TADA1: variants seen among roughly 807,000 people sequenced by gnomAD.
TADA1 encodes the protein transcriptional adapter 1.
A neutral mutation model predicts 39.3 loss-of-function variants in TADA1; 23 were observed. That is an observed-to-expected ratio of 0.58 (90% CI 0.42 to 0.83). The LOEUF (loss-of-function observed/expected upper bound fraction) is 0.83, where lower values mean the gene tolerates loss of function less well. Ranked by LOEUF, TADA1 falls within the 40% of genes least tolerant of loss-of-function variation. The pLI is 0.00. For missense variants in TADA1, 352 were observed against 408.1 expected (o/e 0.86, Z 1.18); for synonymous variants, 137 against 151.8 (o/e 0.90, Z 0.72).
intron 1 of TADA1, among the ~76,000 whole-genome samples, chr1:166,873,807 C>T (rs1658707412): frequency 6.6e-6 from 1 of 152,172 alleles, no homozygotes; most frequent in South Asian, 2.1e-4. Context: ...CAACATCAGA[C>T]AGTCGGCTTT....
chr1:166,873,820 C>T (rs1658707597), intron 1 of TADA1, among the ~76,000 whole-genome samples: 1 of 152,048 alleles, frequency 6.6e-6, no homozygotes, highest in South Asian at 2.1e-4. Flanking sequence ...TCGGCTTTGG[C>T]CTTTAAAAAC....
At chr1:166,869,643 AT>A in intron 2 of TADA1, 119 bp downstream of exon 2, 1 of 1,380,052 alleles carries the variant, frequency 7.2e-7, no homozygotes. Flanking sequence ...TATCCACATT[AT>A]TAAGATAACC....
intron 6 of TADA1, 27 bp from the exon 7 acceptor site, chr1:166,858,308 C>T: frequency 6.6e-7 from 1 of 1,506,458 alleles, no homozygotes; most frequent in Non-Finnish European, 8.9e-7. Context: ...CAGAAATAGT[C>T]CCAGCACAGA....
Position 166,860,348 on chromosome 1 carries a change from AC to A in TADA1, c.541-12del. On this transcript the variant is annotated splice_polypyrimidine_tract_variant and intron_variant, in intron 5 of 7. Coordinates refer to ENST00000367874, the MANE Select transcript of TADA1 (RefSeq NM_053053.4). ...ATCTTTAAGGTGATTCTGTAAACAT[AC>A]AAAAAGAAAAATAGCATGATATCCT... is the stretch of plus-strand genomic sequence containing the variant. The A allele has an allele frequency of 6.3e-7, 1 of 1,577,366 alleles. No individual in the cohort carries two copies.
Position 166,869,515 on chromosome 1 carries a change from A to G in TADA1, c.167-5T>C, listed in dbSNP as rs768957301. 6.6e-5 allele frequency: 106 copies of G among 1,613,194 alleles called. No individual in the cohort carries two copies. Among genetic ancestry groups the G allele is most frequent in the Admixed American group, 8.3e-5 (5 of 59,982 alleles). On this transcript the variant is annotated splice_region_variant and splice_polypyrimidine_tract_variant and intron_variant, in intron 2 of 7. Coordinates refer to ENST00000367874, the MANE Select transcript of TADA1 (RefSeq NM_053053.4). ...GGAAATCATTGTGAGAATGGACTGA[A>G]AAAGGAAAGATAGTGACAATCAAAT...
chr1:166,860,349 CA>C lies in TADA1; in HGVS notation c.541-13del. ...TCTTTAAGGTGATTCTGTAAACATA[CA>C]AAAAGAAAAATAGCATGATATCCTC... On this transcript the variant is annotated splice_polypyrimidine_tract_variant and intron_variant, in intron 5 of 7. Transcript: ENST00000367874. 6.4e-7 allele frequency: 1 copy of C among 1,573,876 alleles called. No homozygotes were observed. Among genetic ancestry groups the C allele is most frequent in the Non-Finnish European group, 8.6e-7 (1 of 1,161,156 alleles).
chr1:166,870,738 G>T (rs1035461627), intron 1 of TADA1, among the ~76,000 whole-genome samples: 2 of 152,096 alleles, frequency 1.3e-5, no homozygotes, highest in Non-Finnish European at 2.9e-5. Context: ...CTGAAGTGGA[G>T]GGACTGATTG....
intron 3 of TADA1, among the ~76,000 whole-genome samples, chr1:166,864,430 C>T (rs1658484741): frequency 6.6e-6 from 1 of 152,248 alleles, no homozygotes; most frequent in Non-Finnish European, 1.5e-5. Flanking sequence ...GAAGCTGTAA[C>T]CTAGGCTAGG....
intron 4 of TADA1, 65 bp from the exon 5 acceptor site, chr1:166,862,477 C>T: frequency 7.5e-7 from 1 of 1,332,686 alleles, no homozygotes. Flanking sequence ...AAAGTAAACT[C>T]CTGTACTGAA....
rs779456212 is a variant in TADA1 at position 166,860,196 on chromosome 1, AGTT to A, written c.679_681del (p.Asn227del). 1.3e-6 allele frequency: 2 copies of A among 1,596,878 alleles called. No homozygotes were observed. Among genetic ancestry groups the A allele is most frequent in the Admixed American group, 1.8e-5 (1 of 55,214 alleles). Reference sequence around the variant, plus strand: ...AGAAACTTCATTTACCTTTCTATTAAGTTGTTGTAAGCTACTACACTATTCTTC... The same window carrying A: ...AGAAACTTCATTTACCTTTCTATTAAGTTGTAAGCTACTACACTATTCTTC... On this transcript the variant is annotated inframe_deletion, in exon 6 of 8. Transcript: ENST00000367874.
chr1:166,873,680 A>T (rs1169451200), intron 1 of TADA1, among the ~76,000 whole-genome samples: 1 of 152,210 alleles, frequency 6.6e-6, no homozygotes, highest in East Asian at 1.9e-4. Context: ...GGAAAAACAA[A>T]TTTAGAACTA....
chr1:166,874,284 G>A (rs1377191722), intron 1 of TADA1, among the ~76,000 whole-genome samples: 1 of 151,498 alleles, frequency 6.6e-6, no homozygotes, highest in Non-Finnish European at 1.5e-5. Context: ...AGGCTGCAGT[G>A]AGCGGAGATC....
At position 166,869,569 on chromosome 1, in the gene TADA1, C is replaced by T. The variant is rs1374251359; in HGVS notation, c.167-59G>A. On this transcript the variant is annotated intron_variant, in intron 2 of 7. Coordinates refer to ENST00000367874, the MANE Select transcript of TADA1 (RefSeq NM_053053.4). ...AAACATTTTCAACATAAGGAAACCA[C>T]AACTTTGGTCTAGCTTCTCAAGATT... 3.2e-6 allele frequency: 5 copies of T among 1,570,780 alleles called. No homozygotes were observed. The African/African-American group carries it at 6.8e-5, about 21-fold the overall frequency.
At chr1:166,873,926 G>C (rs1658710465) in intron 1 of TADA1, among the ~76,000 whole-genome samples, 1 of 152,058 alleles carries the variant, frequency 6.6e-6, no homozygotes, top group Non-Finnish European at 1.5e-5. Context: ...CATCTAATCA[G>C]GGTTAAAGGC....
At position 166,857,464 on chromosome 1, in the gene TADA1, A is replaced by G. The variant is rs1335985710; in HGVS notation, c.*103T>C. 3.1e-6 allele frequency: 4 copies of G among 1,301,600 alleles called. No individual in the cohort carries two copies. In the African/African-American group the frequency reaches 4.5e-5, roughly 15 times the overall value. 80.6% of individuals were successfully genotyped at this position (1,301,600 alleles called of 1,614,324 possible). Reference sequence around the variant, plus strand: ...ATGTCACATTTCCATAGGAAAGGTTATATATACACTATACACTTCAGCCTT... The same window carrying G: ...ATGTCACATTTCCATAGGAAAGGTTGTATATACACTATACACTTCAGCCTT... On this transcript the variant is annotated 3_prime_UTR_variant, in exon 8 of 8. Coordinates refer to ENST00000367874, the MANE Select transcript of TADA1 (RefSeq NM_053053.4).
intron 1 of TADA1, 73 bp downstream of exon 1, chr1:166,876,087 G>C (rs974014433): frequency 7.0e-7 from 1 of 1,436,376 alleles, no homozygotes; most frequent in Non-Finnish European, 9.4e-7. Context: ...GGCGTCTCCG[G>C]GGCGGGCTGG....
At position 166,857,522 on chromosome 1, in the gene TADA1, G is replaced by A. The variant is rs375927818; in HGVS notation, c.*45C>T. 2.9e-4 allele frequency: 464 copies of A among 1,603,658 alleles called. No individual in the cohort carries two copies. The highest frequency in any genetic ancestry group is 3.7e-4 in the Non-Finnish European group (435 of 1,174,864). On this transcript the variant is annotated 3_prime_UTR_variant, in exon 8 of 8. Transcript: ENST00000367874. ...GGACCCAAAAAACATTCAATTTTCA[G>A]TAATCAATGAATTCGGTGAGGGTCC...
chr1:166,868,400 A>C (rs1189847036), intron 3 of TADA1, among the ~76,000 whole-genome samples: 1 of 152,208 alleles, frequency 6.6e-6, no homozygotes, highest in Non-Finnish European at 1.5e-5. Flanking sequence ...GTGGAAGTCC[A>C]GGTTCCCAAC....
chr1:166,863,207 TAG>T (rs1463366160), intron 4 of TADA1: 1 of 152,460 alleles, frequency 6.6e-6, no homozygotes, highest in Non-Finnish European at 1.5e-5. Context: ...CATGTCTCTC[TAG>T]AGATCCCAAT....
Sources: gnomAD v4.1 joint callset for allele counts (sites outside exome capture counted in the v4.1 genomes callset) on GRCh38, gnomAD v4.1.1 for gene constraint, MANE v1.5 for transcripts, NCBI Gene and HGNC (gene_info 2026-07-23, HGNC 2026-07-21) for gene names.